Variants in CADM2 observed in about 807,000 individuals in gnomAD.
The protein encoded by CADM2 is immunoglobulin superfamily member 4D.
A neutral mutation model predicts 49.8 loss-of-function variants in CADM2; 12 were observed. The observed-to-expected ratio is 0.24, with a 90% CI of 0.15 to 0.39. The LOEUF is 0.39. Ranked by LOEUF, CADM2 falls within the 10% of genes least tolerant of loss-of-function variation. The pLI, the probability that CADM2 is intolerant of heterozygous loss-of-function variation, is 1.00. For synonymous variants in CADM2, 214 were observed against 175.4 expected (o/e 1.22, Z -1.74); for missense variants, 378 against 492.3 (o/e 0.77, Z 2.20).
At chr3:85,577,134 C>A (rs147361524) in intron 1 of CADM2, among the ~76,000 whole-genome samples, 188 of 152,172 alleles carry the variant, frequency 1.2e-3, no homozygotes, top group South Asian at 3.1e-3. Flanking sequence ...TTTTTTCTTA[C>A]AAAGGGTTTT....
At chr3:85,343,532 T>C (rs988504539) in intron 1 of CADM2, among the ~76,000 whole-genome samples, 1 of 152,210 alleles carries the variant, frequency 6.6e-6, no homozygotes, top group African/African-American at 2.4e-5. Flanking sequence ...CCCTTTGAAA[T>C]TGATTACTAA....
intron 2 of CADM2, among the ~76,000 whole-genome samples, chr3:85,754,492 T>TG (rs2069009851): frequency 6.6e-6 from 1 of 152,184 alleles, no homozygotes; most frequent in African/African-American, 2.4e-5. Context: ...GAAAGGTATT[T>TG]GAGTAGCTTT....
Position 85,144,620 on chromosome 3 carries a change from AAAAG to A in CADM2, c.61+184975_61+184978del, listed in dbSNP as rs60207038. ...GAGTGAGACTCCATCTCAAAAAAAA[AAAAG>A]AAAGAAAGAAAGAAAGAAAGAACAA... is the stretch of plus-strand genomic sequence containing the variant. On this transcript the variant is annotated intron_variant, in intron 1 of 9. Transcript: ENST00000383699. Among the ~76,000 whole-genome samples the A allele has an allele frequency of 3.0e-4, 41 of 136,390 alleles. No individual in the cohort carries two copies. The South Asian group carries it at 4.3e-3, about 14-fold the overall frequency. The allele number at this position is 136,390 out of a possible 152,430, so 89.5% of individuals were successfully genotyped here. A position where few individuals can be genotyped will look rare whatever the true frequency, so the allele number is the denominator to read the frequency against.
chr3:85,520,208 A>G (rs2060999928), intron 1 of CADM2, among the ~76,000 whole-genome samples: 1 of 151,974 alleles, frequency 6.6e-6, no homozygotes, highest in Non-Finnish European at 1.5e-5. Flanking sequence ...AATTATTTAC[A>G]TATGTAATTC....
intron 1 of CADM2, among the ~76,000 whole-genome samples, chr3:85,158,532 C>G (rs2040214196): frequency 6.6e-6 from 1 of 152,134 alleles, no homozygotes; most frequent in African/African-American, 2.4e-5. Context: ...GAGTTCATGT[C>G]CTTTGTAGGG....
chr3:85,429,121 C>A (rs960176158), intron 1 of CADM2, among the ~76,000 whole-genome samples: 5 of 151,950 alleles, frequency 3.3e-5, no homozygotes, highest in African/African-American at 1.2e-4. Context: ...ATGGAAGCAG[C>A]AAATAAATAA....
At chr3:86,052,025 C>A (rs1300678603) in intron 8 of CADM2, among the ~76,000 whole-genome samples, 1 of 151,764 alleles carries the variant, frequency 6.6e-6, no homozygotes, top group Non-Finnish European at 1.5e-5. Flanking sequence ...CAGTTCGAAC[C>A]CTTGGTGAAT....
chr3:85,637,550 C>G (rs1408668955), intron 1 of CADM2, among the ~76,000 whole-genome samples: 1 of 145,718 alleles, frequency 6.9e-6, no homozygotes, highest in Non-Finnish European at 1.5e-5. Flanking sequence ...TGCAGTGAGC[C>G]GAGATTGCGC....
Position 85,757,636 on chromosome 3 carries a change from G to T in CADM2, c.88+31088G>T, listed in dbSNP as rs182474317. On this transcript the variant is annotated intron_variant, in intron 2 of 9. Coordinates refer to ENST00000383699, the MANE Select transcript of CADM2 (RefSeq NM_001167675.2). ...GTTGAGCCAGATACTGAAGGGATGG[G>T]CTACTGCACATGATTAATGATTAAT... is the stretch of plus-strand genomic sequence containing the variant. Among the ~76,000 whole-genome samples the T allele has an allele frequency of 1.6e-4, 24 of 152,240 alleles. No homozygotes were observed. In the East Asian group the frequency reaches 3.7e-3, roughly 23 times the overall value.
chr3:85,508,613 TAGA>T (rs2040464637), intron 1 of CADM2, among the ~76,000 whole-genome samples: 1 of 152,212 alleles, frequency 6.6e-6, no homozygotes, highest in South Asian at 2.1e-4. Flanking sequence ...TGCTTTCGGC[TAGA>T]AGATTAGTAT....
intron 1 of CADM2, among the ~76,000 whole-genome samples, chr3:85,319,985 C>G (rs2107097186): frequency 6.6e-6 from 1 of 152,150 alleles, no homozygotes; most frequent in Non-Finnish European, 1.5e-5. Context: ...CATTAAAATC[C>G]CTCCTTTACA....
chr3:85,854,421 C>T (rs2075226051), intron 3 of CADM2, among the ~76,000 whole-genome samples: 1 of 152,090 alleles, frequency 6.6e-6, no homozygotes, highest in Non-Finnish European at 1.5e-5. Context: ...AAATGTGGCA[C>T]ATATACACCA....
intron 1 of CADM2, among the ~76,000 whole-genome samples, chr3:85,074,674 G>C (rs2036875427): frequency 6.6e-6 from 1 of 152,068 alleles, no homozygotes; most frequent in Non-Finnish European, 1.5e-5. Context: ...GGGCCTTATA[G>C]AAGAGGAATT....
At chr3:85,688,968 G>A (rs1348236286) in intron 1 of CADM2, among the ~76,000 whole-genome samples, 2 of 152,142 alleles carry the variant, frequency 1.3e-5, no homozygotes, top group Non-Finnish European at 1.5e-5. Flanking sequence ...AAATGTTCAC[G>A]ACAAGACTTT....
intron 1 of CADM2, among the ~76,000 whole-genome samples, chr3:85,058,784 T>C (rs1049554422): frequency 6.6e-6 from 1 of 152,098 alleles, no homozygotes; most frequent in Non-Finnish European, 1.5e-5. Context: ...TATAACTGAT[T>C]GTTTATAGAT....
chr3:85,301,758 A>T (rs1041521423), intron 1 of CADM2, among the ~76,000 whole-genome samples: 1 of 152,040 alleles, frequency 6.6e-6, no homozygotes, highest in Admixed American at 6.6e-5. Flanking sequence ...AGCAGCTCAT[A>T]GGGCTAGGAA....
At chr3:85,192,963 A>G (rs1486314795) in intron 1 of CADM2, among the ~76,000 whole-genome samples, 1 of 152,108 alleles carries the variant, frequency 6.6e-6, no homozygotes, top group Non-Finnish European at 1.5e-5. Context: ...GCAAGTATAA[A>G]TGATGGATTA....
At chr3:85,066,710 C>T (rs2107460876) in intron 1 of CADM2, among the ~76,000 whole-genome samples, 1 of 152,280 alleles carries the variant, frequency 6.6e-6, no homozygotes, top group South Asian at 2.1e-4. Flanking sequence ...GGTCAAATCT[C>T]ATTAGTTCTT....
intron 1 of CADM2, among the ~76,000 whole-genome samples, chr3:85,468,472 A>T (rs945164810): frequency 1.3e-5 from 2 of 152,140 alleles, no homozygotes; most frequent in Admixed American, 1.3e-4. Context: ...GGAAAAAACC[A>T]TCAAATAATC....
Sources: gnomAD v4.1 joint callset for allele counts (sites outside exome capture counted in the v4.1 genomes callset) on GRCh38, gnomAD v4.1.1 for gene constraint, MANE v1.5 for transcripts, NCBI Gene and HGNC (gene_info 2026-07-23, HGNC 2026-07-21) for gene names.